The following PLA2G4A variants were observed in gnomAD, a reference collection of about 807,000 sequenced individuals.
PLA2G4A encodes the protein phospholipase A2 group IVA.
PLA2G4A carries 40 observed loss-of-function variants against 81.9 expected under a neutral mutation model. That is an observed-to-expected ratio of 0.49 (90% confidence interval 0.38 to 0.64). PLA2G4A has a LOEUF of 0.64. PLA2G4A is among the 30% of genes least tolerant of loss of function. The pLI, the probability that PLA2G4A is intolerant of heterozygous loss-of-function variation, is 0.00. For synonymous variants in PLA2G4A, 302 were observed against 296.9 expected (o/e 1.02, Z -0.18); for missense variants, 715 against 905.1 (o/e 0.79, Z 2.69).
intron 7 of PLA2G4A, among the ~76,000 whole-genome samples, chr1:186,928,687 T>C (rs1655636207): frequency 6.6e-6 from 1 of 152,236 alleles, no homozygotes; most frequent in Admixed American, 6.5e-5. Context: ...TGTTTTTATG[T>C]AATTGTCTAT....
Position 186,862,571 on chromosome 1 carries a change from G to T in PLA2G4A, c.34-7864G>T, listed in dbSNP as rs1335890220. ...AGTAAAGCAGGGAGGTTTTTAAGAAGTTCCTCAAAATAGGGATAAAATATC... is the reference window on the plus strand; with the variant it reads ...AGTAAAGCAGGGAGGTTTTTAAGAATTTCCTCAAAATAGGGATAAAATATC... On this transcript the variant is annotated intron_variant, in intron 2 of 17. Coordinates refer to ENST00000367466, the MANE Select transcript of PLA2G4A (RefSeq NM_024420.3). Among the ~76,000 whole-genome samples the T allele has an allele frequency of 2.6e-5, 4 of 152,068 alleles. No individual in the cohort carries two copies. The East Asian group carries it at 7.7e-4, about 29-fold the overall frequency.
At chr1:186,849,327 A>G (rs1030855415) in intron 1 of PLA2G4A, among the ~76,000 whole-genome samples, 13 of 152,048 alleles carry the variant, frequency 8.5e-5, no homozygotes, top group Admixed American at 5.3e-4. Context: ...AAAGACAGAC[A>G]TTGCGTCAGT....
intron 5 of PLA2G4A, among the ~76,000 whole-genome samples, chr1:186,902,354 C>T (rs759950575): frequency 7.8e-4 from 119 of 152,094 alleles, no homozygotes; most frequent in Middle Eastern, 3.4e-3. Flanking sequence ...TCATTCTATA[C>T]GACAAATGCT....
At chr1:186,952,851 G>T (rs1021584104) in intron 13 of PLA2G4A, among the ~76,000 whole-genome samples, 1 of 151,978 alleles carries the variant, frequency 6.6e-6, no homozygotes, top group Non-Finnish European at 1.5e-5. Flanking sequence ...TGCATTTAAA[G>T]TTCCTCTATG....
At chr1:186,857,885 C>T (rs1571339780) in intron 2 of PLA2G4A, among the ~76,000 whole-genome samples, 1 of 151,998 alleles carries the variant, frequency 6.6e-6, no homozygotes, top group African/African-American at 2.4e-5. Flanking sequence ...AGTTTGCTGA[C>T]AATGATGGTT....
At chr1:186,977,984 ACAGTT>A (rs1423569958) in intron 16 of PLA2G4A, among the ~76,000 whole-genome samples, 196 bp downstream of exon 16, 1 of 152,218 alleles carries the variant, frequency 6.6e-6, no homozygotes, top group East Asian at 1.9e-4. Flanking sequence ...TGACTTGCTC[ACAGTT>A]CAGAAACTGC....
At chr1:186,930,477 T>C (rs1429109970) in intron 7 of PLA2G4A, among the ~76,000 whole-genome samples, 1 of 152,212 alleles carries the variant, frequency 6.6e-6, no homozygotes, top group Non-Finnish European at 1.5e-5. Flanking sequence ...GGGAAGTTGT[T>C]TTTTCAGGAT....
At position 186,976,925 on chromosome 1, in the gene PLA2G4A, G is replaced by A. The variant is rs147088941; in HGVS notation, c.1765-668G>A. ...GTTCTATTTCTCTTCTCATTCTGGC[G>A]GGAATGTATAACCAGCTTACCAGGA... On this transcript the variant is annotated intron_variant, in intron 15 of 17. Coordinates refer to ENST00000367466, the MANE Select transcript of PLA2G4A (RefSeq NM_024420.3). Among the ~76,000 whole-genome samples, 836 of 152,194 alleles carry A rather than the reference G, an allele frequency of 5.5e-3. 4 individuals are homozygous for A. Among genetic ancestry groups the A allele is most frequent in the African/African-American group, 0.019 (777 of 41,522 alleles).
intron 1 of PLA2G4A, among the ~76,000 whole-genome samples, chr1:186,835,309 G>C (rs898085206): frequency 6.6e-6 from 1 of 152,202 alleles, no homozygotes; most frequent in Admixed American, 6.5e-5. Flanking sequence ...GTCTGCCTAG[G>C]ATAGTCTCGA....
chr1:186,873,157 AGAT>A (rs1475807722), intron 3 of PLA2G4A, among the ~76,000 whole-genome samples: 1 of 152,102 alleles, frequency 6.6e-6, no homozygotes, highest in Non-Finnish European at 1.5e-5. Context: ...AAAAGTGAAT[AGAT>A]GATATATAGT....
At chr1:186,963,080 G>C in intron 14 of PLA2G4A, among the ~76,000 whole-genome samples, 1 of 152,028 alleles carries the variant, frequency 6.6e-6, no homozygotes. Context: ...TGTAAGAGTC[G>C]TATAAGAATA....
chr1:186,973,309 C>A (rs1297966476), intron 15 of PLA2G4A, among the ~76,000 whole-genome samples: 1 of 152,162 alleles, frequency 6.6e-6, no homozygotes, highest in South Asian at 2.1e-4. Context: ...TCTCTCCAAT[C>A]TCTGCCTTCA....
intron 7 of PLA2G4A, among the ~76,000 whole-genome samples, chr1:186,912,546 G>A (rs551732666): frequency 1.7e-4 from 26 of 151,950 alleles, no homozygotes; most frequent in African/African-American, 6.0e-4. Flanking sequence ...ATGTAGTATA[G>A]TTGGAATCAT....
chr1:186,956,060 T>C (rs767447240), intron 13 of PLA2G4A, 42 bp from the exon 14 acceptor site: 6 of 1,585,924 alleles, frequency 3.8e-6, no homozygotes, highest in African/African-American at 1.3e-5. Context: ...TTTTTAAACA[T>C]GTATTTTGGA....
intron 14 of PLA2G4A, among the ~76,000 whole-genome samples, chr1:186,958,854 G>T (rs966516730): frequency 1.3e-5 from 2 of 152,216 alleles, no homozygotes; most frequent in East Asian, 1.9e-4. Flanking sequence ...TGGTGTTGGG[G>T]TTACCAGATA....
intron 7 of PLA2G4A, among the ~76,000 whole-genome samples, chr1:186,928,631 G>A (rs935995971): frequency 6.6e-6 from 1 of 152,114 alleles, no homozygotes; most frequent in African/African-American, 2.4e-5. Context: ...TGTTGGTTCT[G>A]TTTCTTTGAA....
intron 6 of PLA2G4A, among the ~76,000 whole-genome samples, chr1:186,909,696 T>C (rs1179939111): frequency 6.6e-6 from 1 of 151,366 alleles, no homozygotes; most frequent in Non-Finnish European, 1.5e-5. Flanking sequence ...ACTCACTGTC[T>C]TACTCTTTTC....
intron 3 of PLA2G4A, among the ~76,000 whole-genome samples, chr1:186,873,554 C>T (rs891413529): frequency 1.1e-4 from 16 of 151,944 alleles, no homozygotes; most frequent in East Asian, 5.8e-4. Flanking sequence ...GCTTTCTCAA[C>T]GGTACCAAGA....
At chr1:186,935,227 T>C (rs1273721468) in intron 8 of PLA2G4A, among the ~76,000 whole-genome samples, 1 of 151,790 alleles carries the variant, frequency 6.6e-6, no homozygotes, top group African/African-American at 2.4e-5. Flanking sequence ...TAAAAGTAAT[T>C]AAAAGATACT....
Sources: allele counts gnomAD v4.1 joint callset (sites outside exome capture counted in the v4.1 genomes callset), GRCh38; gene constraint gnomAD v4.1.1; transcripts MANE v1.5; gene names NCBI Gene and HGNC (gene_info 2026-07-23, HGNC 2026-07-21).